MCF2L2: variants seen among roughly 807,000 people sequenced by gnomAD.
MCF2L2 encodes MCF.2 cell line derived transforming sequence-like 2.
MCF2L2 carries 102 observed loss-of-function variants against 150.2 expected under a neutral mutation model. That is an observed-to-expected ratio of 0.68 (90% CI 0.58 to 0.80). The LOEUF is 0.80. Ranked by LOEUF, MCF2L2 falls within the 30% of genes least tolerant of loss-of-function variation. MCF2L2 has a pLI of 0.00. For synonymous variants in MCF2L2, 465 were observed against 491.3 expected (o/e 0.95, Z 0.71); for missense variants, 1,256 against 1,372.8 (o/e 0.91, Z 1.34).
At chr3:183,192,874 T>C (rs1442321492) in intron 27 of MCF2L2, 125 bp downstream of exon 27, 2 of 673,484 alleles carry the variant, frequency 3.0e-6, no homozygotes, top group African/African-American at 3.6e-5. Flanking sequence ...GGTAAAATGC[T>C]TTCTTTTTTC....
chr3:183,364,296 C>T (rs892755350), intron 3 of MCF2L2, among the ~76,000 whole-genome samples: 1 of 152,014 alleles, frequency 6.6e-6, no homozygotes, highest in Admixed American at 6.6e-5. Context: ...GCGGGCGGAT[C>T]ACAAGGTCAG....
chr3:183,293,055 A>G (rs1047557227), intron 13 of MCF2L2, among the ~76,000 whole-genome samples: 24 of 152,346 alleles, frequency 1.6e-4, no homozygotes, highest in African/African-American at 5.0e-4. Flanking sequence ...AATCACTCCA[A>G]TTACAAGGCA....
At chr3:183,221,344 C>G (rs1723141743) in intron 20 of MCF2L2, among the ~76,000 whole-genome samples, 1 of 152,200 alleles carries the variant, frequency 6.6e-6, no homozygotes, top group Non-Finnish European at 1.5e-5. Flanking sequence ...TTAATGCTCC[C>G]AACAAGCATA....
intron 3 of MCF2L2, among the ~76,000 whole-genome samples, chr3:183,361,070 C>CAGAAGAGAAGAGAAGAGAAGAGAAG (rs879802085): frequency 4.3e-4 from 47 of 109,194 alleles, no homozygotes; most frequent in East Asian, 2.0e-3. Context: ...CCAGATAAGA[C>CAGAAGAGAAGAGAAGAGAAGAGAAG]AGAAGAGAAG....
intron 22 of MCF2L2, among the ~76,000 whole-genome samples, chr3:183,211,464 C>T (rs990952989): frequency 2.0e-5 from 3 of 152,180 alleles, no homozygotes; most frequent in Admixed American, 2.0e-4. Context: ...GACGGTATTG[C>T]CCATCTCCAC....
chr3:183,293,452 T>C (rs140222732), intron 13 of MCF2L2, among the ~76,000 whole-genome samples: 7 of 152,320 alleles, frequency 4.6e-5, no homozygotes, highest in African/African-American at 1.7e-4. Flanking sequence ...TAATTTACCA[T>C]ATTAACAAAT....
chr3:183,323,644 A>T (rs557027553), intron 5 of MCF2L2, among the ~76,000 whole-genome samples: 13 of 151,994 alleles, frequency 8.6e-5, no homozygotes, highest in African/African-American at 2.7e-4. Context: ...AAATAAAAAA[A>T]AAAATTAGCC....
intron 25 of MCF2L2, among the ~76,000 whole-genome samples, chr3:183,198,873 G>C (rs1394393605): frequency 2.0e-5 from 3 of 152,128 alleles, no homozygotes; most frequent in African/African-American, 7.2e-5. Flanking sequence ...TACTAGAGTT[G>C]CCATATCATT....
At chr3:183,222,628 GT>G in intron 20 of MCF2L2, among the ~76,000 whole-genome samples, 1 of 152,234 alleles carries the variant, frequency 6.6e-6, no homozygotes, top group Non-Finnish European at 1.5e-5. Flanking sequence ...TTTTGTTTTT[GT>G]TTTTGTTTTT....
intron 15 of MCF2L2, among the ~76,000 whole-genome samples, chr3:183,258,006 T>C (rs970988389): frequency 6.2e-5 from 9 of 144,804 alleles, no homozygotes; most frequent in South Asian, 2.2e-4. Flanking sequence ...CTCGCTCTGT[T>C]GCCCAGGCTG....
intron 7 of MCF2L2, among the ~76,000 whole-genome samples, chr3:183,314,736 T>C (rs1248357729): frequency 6.6e-6 from 1 of 150,926 alleles, no homozygotes; most frequent in Non-Finnish European, 1.5e-5. Flanking sequence ...ATGAATCTTA[T>C]AATAGTTTTT....
intron 1 of MCF2L2, among the ~76,000 whole-genome samples, chr3:183,411,429 G>A (rs1239785913): frequency 6.6e-6 from 1 of 152,130 alleles, no homozygotes; most frequent in Non-Finnish European, 1.5e-5. Flanking sequence ...CCCTCTGGCT[G>A]GGTCATATTC....
Position 183,239,473 on chromosome 3 carries a change from A to T in MCF2L2, c.1863-8456T>A, listed in dbSNP as rs1471924447. On this transcript the variant is annotated intron_variant, in intron 15 of 29. Coordinates refer to ENST00000328913, the MANE Select transcript of MCF2L2 (RefSeq NM_015078.4). ...GAAAGGAATATGCTAAAAAAAAAAA[A>T]TGCAATCCTTTTTAGCAAGAAAGAT... 2.0e-5 allele frequency among the ~76,000 whole-genome samples: 3 copies of T among 151,688 alleles called. No individual in the cohort carries two copies. The East Asian group carries it at 5.8e-4, about 29-fold the overall frequency.
At position 183,311,745 on chromosome 3, in the gene MCF2L2, C is replaced by G; in HGVS notation, c.781G>C (p.Gly261Arg). 1.9e-6 allele frequency: 3 copies of G among 1,613,810 alleles called. No individual in the cohort carries two copies. Among genetic ancestry groups the G allele is most frequent in the Non-Finnish European group, 1.7e-6 (2 of 1,179,886 alleles). Residue 261 changes from glycine to arginine, a missense_variant, in exon 8 of 30, where the codon GGG becomes CGG. Gly to Arg is a moderately radical substitution (Grantham distance 125, BLOSUM62 -2). Transcript: ENST00000328913. The part of the protein sequence containing the change: ...QDELKLLGKQ[G>R]TTLLSCIQEP... ...TGGATGCATGACAGCAATGTGGTCC[C>G]CTGCTTTCCAAGTAATTTCAGCTCA...
At chr3:183,243,422 G>T (rs1576952916) in intron 15 of MCF2L2, among the ~76,000 whole-genome samples, 2 of 152,280 alleles carry the variant, frequency 1.3e-5, no homozygotes, top group East Asian at 3.9e-4. Context: ...TTTCATTGCA[G>T]GTCAGCCGCT....
chr3:183,274,058 T>C (rs141528290), intron 15 of MCF2L2, among the ~76,000 whole-genome samples: 2,980 of 152,034 alleles, frequency 0.02, 51 homozygotes, highest in Middle Eastern at 0.051. Context: ...CTACTAAAAA[T>C]ACAAAAATCA....
chr3:183,358,376 T>C (rs536709265), intron 3 of MCF2L2, among the ~76,000 whole-genome samples: 174 of 152,086 alleles, frequency 1.1e-3, no homozygotes, highest in Middle Eastern at 3.4e-3. Flanking sequence ...GACCTAAAGA[T>C]ACAGAAAGAT....
chr3:183,200,380 T>C lies in MCF2L2; in HGVS notation c.2885-5125A>G, dbSNP rs192742138. Among the ~76,000 whole-genome samples the C allele has an allele frequency of 1.1e-4, 16 of 152,372 alleles. No homozygotes were observed. The East Asian group carries it at 2.1e-3, about 20-fold the overall frequency. On this transcript the variant is annotated intron_variant, in intron 25 of 29. Coordinates refer to ENST00000328913, the MANE Select transcript of MCF2L2 (RefSeq NM_015078.4). ...TTTGCATTTCTCTGATGGCCAGTGA[T>C]GATGAGCATTTTTTCATGTGTCTGT...
At chr3:183,331,507 T>C (rs1730271426) in intron 5 of MCF2L2, among the ~76,000 whole-genome samples, 1 of 152,244 alleles carries the variant, frequency 6.6e-6, no homozygotes, top group South Asian at 2.1e-4. Context: ...TTCTTATCTA[T>C]AGATGCTTAA....
Sources: allele counts gnomAD v4.1 joint callset (sites outside exome capture counted in the v4.1 genomes callset), GRCh38; gene constraint gnomAD v4.1.1; transcripts MANE v1.5; gene names NCBI Gene and HGNC (gene_info 2026-07-23, HGNC 2026-07-21).